COP1: variants seen among roughly 807,000 people sequenced by gnomAD.
COP1 encodes the protein COP1 E3 ubiquitin ligase, also known as E3 ubiquitin-protein ligase COP1.
A neutral mutation model predicts 101.3 loss-of-function variants in COP1; 24 were observed. The ratio of observed to expected loss-of-function variants is 0.24; its 90% CI spans 0.17 to 0.33. The LOEUF is 0.33. Ranked by LOEUF, COP1 falls within the 10% of genes least tolerant of loss-of-function variation. The probability of loss-of-function intolerance (pLI) is 1.00; values close to 1 mark genes in which losing one functional copy is unlikely to be tolerated. For synonymous variants in COP1, 347 were observed against 341.9 expected (o/e 1.01, Z -0.17); for missense variants, 663 against 906.2 (o/e 0.73, Z 3.45).
intron 7 of COP1, 129 bp from the exon 8 acceptor site, chr1:176,135,215 T>A (rs1689614316): frequency 1.8e-6 from 1 of 552,656 alleles, no homozygotes; most frequent in South Asian, 3.2e-5. Context: ...ATATCAAATT[T>A]CTGAAGGCTT....
In COP1 at chr1:176,149,018, T is replaced by C. The variant is rs771137839; in HGVS notation, c.819A>G (p.Arg273=). 6 of 1,579,718 alleles carry C rather than the reference T, an allele frequency of 3.8e-6. No individual in the cohort carries two copies. The Admixed American group carries it at 5.1e-5, about 13-fold the overall frequency. ...CAAAATAATATACCTCTCTCTTATT[T>C]CTTCTTGCAACCTTGAGGAATTCCA... The part of the protein sequence containing the change: ...ILMEFLKVAR[R]NKREQLEQIQ... The change falls in exon 6 of 20, where the codon AGA becomes AGG. Residue 273 remains arginine, a synonymous_variant. Transcript: ENST00000367669.
chr1:175,955,703 C>T (rs1650537335), intron 18 of COP1, among the ~76,000 whole-genome samples: 1 of 145,446 alleles, frequency 6.9e-6, no homozygotes, highest in Non-Finnish European at 1.5e-5. Flanking sequence ...AAATGATAAG[C>T]AAATAGAATT....
At chr1:175,970,994 G>T (rs1189666742) in intron 18 of COP1, among the ~76,000 whole-genome samples, 2 of 152,118 alleles carry the variant, frequency 1.3e-5, no homozygotes, top group African/African-American at 4.8e-5. Context: ...CGAGAGAAGG[G>T]GAAGGGGAAG....
At chr1:176,159,715 T>C (rs1405534160) in intron 5 of COP1, among the ~76,000 whole-genome samples, 1 of 152,170 alleles carries the variant, frequency 6.6e-6, no homozygotes, top group East Asian at 1.9e-4. Context: ...CATGAAACCC[T>C]TTATATAAAC....
At chr1:176,020,477 G>A (rs901307797) in intron 15 of COP1, among the ~76,000 whole-genome samples, 2 of 150,388 alleles carry the variant, frequency 1.3e-5, no homozygotes, top group Admixed American at 6.6e-5. Flanking sequence ...TCAGAAGTTC[G>A]AGTCCAGCCT....
In COP1 at chr1:176,123,301, T is replaced by C. The variant is rs141284208; in HGVS notation, c.969-6620A>G. ...TGATGGGACTTCGGTAGGAGAGATG[T>C]CATGAACAGCAGAAATGGTAAATGA... On this transcript the variant is annotated intron_variant, in intron 8 of 19. Coordinates refer to ENST00000367669, the MANE Select transcript of COP1 (RefSeq NM_022457.7). Among the ~76,000 whole-genome samples the C allele has an allele frequency of 8.7e-4, 133 of 152,310 alleles. 2 individuals are homozygous for C. Among genetic ancestry groups the C allele is most frequent in the African/African-American group, 2.7e-3 (113 of 41,576 alleles).
intron 18 of COP1, among the ~76,000 whole-genome samples, chr1:175,975,063 G>A (rs1042784309): frequency 6.6e-6 from 1 of 151,908 alleles, no homozygotes; most frequent in Non-Finnish European, 1.5e-5. Context: ...GCACCTAAAG[G>A]GCAGGTAGGA....
chr1:176,076,186 A>G (rs1277873854), intron 11 of COP1, among the ~76,000 whole-genome samples: 1 of 152,090 alleles, frequency 6.6e-6, no homozygotes, highest in East Asian at 1.9e-4. Context: ...TCATCTGTAC[A>G]TGGAACATGT....
intron 8 of COP1, among the ~76,000 whole-genome samples, chr1:176,118,425 G>T (rs1686566367): frequency 6.6e-6 from 1 of 151,954 alleles, no homozygotes; most frequent in African/African-American, 2.4e-5. Flanking sequence ...TTTGACAGAA[G>T]ATTACAGTGA....
At chr1:176,045,572 G>A (rs1414386324) in intron 12 of COP1, among the ~76,000 whole-genome samples, 2 of 121,920 alleles carry the variant, frequency 1.6e-5, no homozygotes, top group Admixed American at 8.8e-5. Context: ...TGGGAAGCTT[G>A]TTTAGAAGGA....
At chr1:175,945,652 T>C (rs557657287) in intron 19 of COP1, among the ~76,000 whole-genome samples, 1 of 152,326 alleles carries the variant, frequency 6.6e-6, no homozygotes, top group South Asian at 2.1e-4. Context: ...TCCAGATACT[T>C]TGTATTTTTA....
intron 14 of COP1, among the ~76,000 whole-genome samples, chr1:176,042,780 T>C (rs1319303888): frequency 6.8e-6 from 1 of 146,412 alleles, no homozygotes; most frequent in Non-Finnish European, 1.5e-5. Context: ...ATCCCAGCAC[T>C]TTGAGAGGCC....
At position 175,999,235 on chromosome 1, in the gene COP1, C is replaced by G. The variant is rs79136116; in HGVS notation, c.1730-9756G>C. ...TGTATTTTTTGTAGCCATTAACCAC[C>G]TCTACTTCCCCCAACAGCCCAAGTA... On this transcript the variant is annotated intron_variant, in intron 15 of 19. Coordinates refer to ENST00000367669, the MANE Select transcript of COP1 (RefSeq NM_022457.7). 1.7e-3 allele frequency among the ~76,000 whole-genome samples: 256 copies of G among 152,144 alleles called. 1 individual carries two copies. Among genetic ancestry groups the G allele is most frequent in the African/African-American group, 5.9e-3 (245 of 41,532 alleles).
chr1:176,190,168 T>C (rs182396779), intron 1 of COP1, among the ~76,000 whole-genome samples: 22 of 152,226 alleles, frequency 1.4e-4, no homozygotes, highest in Middle Eastern at 3.4e-3. Flanking sequence ...TGTTTCAGAT[T>C]CGGATCTGTC....
intron 8 of COP1, among the ~76,000 whole-genome samples, chr1:176,128,579 C>A (rs1437071141): frequency 2.0e-5 from 3 of 151,920 alleles, no homozygotes; most frequent in African/African-American, 7.2e-5. Context: ...CATTAAAATA[C>A]AGCAAAACAC....
chr1:176,162,406 T>G (rs1410959453), intron 5 of COP1, among the ~76,000 whole-genome samples: 1 of 152,180 alleles, frequency 6.6e-6, no homozygotes, highest in Non-Finnish European at 1.5e-5. Context: ...ATAAGATATA[T>G]TTAGTACAGA....
intron 5 of COP1, among the ~76,000 whole-genome samples, chr1:176,154,536 G>A (rs759044109): frequency 3.3e-5 from 5 of 152,110 alleles, no homozygotes; most frequent in African/African-American, 4.8e-5. Context: ...AACACAGGAC[G>A]AAAACCAAAT....
chr1:176,158,795 A>C (rs772431166), intron 5 of COP1, among the ~76,000 whole-genome samples: 6 of 151,906 alleles, frequency 3.9e-5, no homozygotes, highest in South Asian at 4.1e-4. Context: ...GCACACCGCC[A>C]TACCCAGCTA....
intron 15 of COP1, among the ~76,000 whole-genome samples, chr1:176,002,916 C>A (rs1428719164): frequency 9.3e-5 from 14 of 150,552 alleles, no homozygotes; most frequent in African/African-American, 3.4e-4. Context: ...GTTCTAGATC[C>A]CTGAGGAATC....
Sources: allele counts gnomAD v4.1 joint callset (sites outside exome capture counted in the v4.1 genomes callset), GRCh38; gene constraint gnomAD v4.1.1; transcripts MANE v1.5; gene names NCBI Gene and HGNC (gene_info 2026-07-23, HGNC 2026-07-21).